Variants in FREM2 observed in about 807,000 individuals in gnomAD.
The protein encoded by FREM2 is FRAS1-related extracellular matrix protein 2.
Under a neutral mutation model 219.9 loss-of-function variants are expected in FREM2, and 119 were observed. The ratio of observed to expected loss-of-function variants is 0.54; its 90% confidence interval spans 0.47 to 0.63. The LOEUF (loss-of-function observed/expected upper bound fraction) is 0.63, where lower values mean the gene tolerates loss of function less well. Among genes scored for constraint, FREM2 ranks in the 30% least tolerant of loss-of-function variants. FREM2 has a pLI of 0.00. For missense variants in FREM2, 4,030 were observed against 3,993.6 expected (o/e 1.01, Z -0.25); for synonymous variants, 1,562 against 1,522.8 (o/e 1.03, Z -0.60).
At position 38,691,599 on chromosome 13, in the gene FREM2, A is replaced by G. The variant is rs76419381; in HGVS notation, c.4255A>G (p.Ile1419Val). 2.7e-5 allele frequency: 44 copies of G among 1,614,104 alleles called. No homozygotes were observed. In the East Asian group the frequency reaches 9.4e-4, roughly 34 times the overall value. The part of the protein sequence containing the change: ...YFYVSIGSID[I>V]VFPDVISKGV... Reference sequence around the variant, plus strand: ...TTATGTGTCCATCGGGAGCATTGACATTGTCTTCCCTGATGTGATAAGTAA... The same window carrying G: ...TTATGTGTCCATCGGGAGCATTGACGTTGTCTTCCCTGATGTGATAAGTAA... The change falls in exon 1 of 24, where the codon ATT becomes GTT. Residue 1419 changes from isoleucine to valine, a missense_variant. By Grantham distance (29) the Ile-to-Val change is conservative. Around this residue, in one of 2 missense-constraint regions of FREM2, gnomAD observed 3,102 missense variants for 2,950.7 expected, o/e 1.05. Transcript: ENST00000280481.
At chr13:38,794,972 G>A (rs553089706) in intron 6 of FREM2, among the ~76,000 whole-genome samples, 1 of 152,162 alleles carries the variant, frequency 6.6e-6, no homozygotes, top group Admixed American at 6.5e-5. Context: ...GAAAAATTGA[G>A]ACCTGGAGAA....
In FREM2 at chr13:38,687,911, C is replaced by T. The variant is rs370371340; in HGVS notation, c.567C>T (p.Val189=). 74 of 1,593,908 alleles carry T rather than the reference C, an allele frequency of 4.6e-5. No individual in the cohort carries two copies. The highest frequency in any genetic ancestry group is 6.2e-5 in the Non-Finnish European group (72 of 1,168,790). Reference sequence around the variant, plus strand: ...TTGTGACTCGGAACTTGCCTCTGGTCGTGGAAGAGCTGCTGGGGACCAGCA... The same window carrying T: ...TTGTGACTCGGAACTTGCCTCTGGTTGTGGAAGAGCTGCTGGGGACCAGCA... The part of the protein sequence containing the change: ...LEVVTRNLPL[V]VEELLGTSNA... Residue 189 remains valine, a synonymous_variant, in exon 1 of 24, where the codon GTC becomes GTT. Transcript: ENST00000280481.
At chr13:38,704,431 T>C (rs760439431) in intron 2 of FREM2, among the ~76,000 whole-genome samples, 39 of 152,178 alleles carry the variant, frequency 2.6e-4, no homozygotes, top group Non-Finnish European at 4.9e-4. Flanking sequence ...TATTTAAGTA[T>C]AGACTTAGGA....
chr13:38,857,499 T>A (rs762529096), intron 12 of FREM2, among the ~76,000 whole-genome samples: 1 of 152,082 alleles, frequency 6.6e-6, no homozygotes, highest in Non-Finnish European at 1.5e-5. Flanking sequence ...TCCTCCAGCT[T>A]TACTCCCACT....
chr13:38,816,210 G>T (rs7987558), intron 6 of FREM2, among the ~76,000 whole-genome samples: 1 of 152,048 alleles, frequency 6.6e-6, no homozygotes, highest in African/African-American at 2.4e-5. Flanking sequence ...GAAGAGGAAG[G>T]AATACTTCCA....
intron 2 of FREM2, among the ~76,000 whole-genome samples, chr13:38,727,321 A>G (rs1008075439): frequency 3.3e-5 from 5 of 152,206 alleles, no homozygotes; most frequent in Admixed American, 6.5e-5. Flanking sequence ...CGTCTCTATT[A>G]AAAATACAAA....
At chr13:38,733,193 C>G (rs1053320608) in intron 2 of FREM2, among the ~76,000 whole-genome samples, 3 of 152,044 alleles carry the variant, frequency 2.0e-5, no homozygotes, top group Non-Finnish European at 4.4e-5. Context: ...GGCAATGAAA[C>G]TATCAGTTTC....
In FREM2 at chr13:38,880,678, T is replaced by G. The variant is rs1878512582; in HGVS notation, c.9401T>G (p.Met3134Arg). The G allele has an allele frequency of 6.2e-7, 1 of 1,614,028 alleles. No individual in the cohort carries two copies. The highest frequency in any genetic ancestry group is 8.5e-7 in the Non-Finnish European group (1 of 1,180,016). Residue 3134 changes from methionine (M) to arginine (R), a missense_variant, in exon 24 of 24, where the codon ATG becomes AGG. Transcript: ENST00000280481. ...TICLTVIAVL[M>R]CRGKESFRGK... is the part of the protein sequence containing the mutation. ...TGCCTCACTGTCATTGCAGTGCTGA[T>G]GTGCAGGGGCAAGGAAAGTTTCAGG...
At chr13:38,808,931 A>G (rs1196730013) in intron 6 of FREM2, among the ~76,000 whole-genome samples, 1 of 151,856 alleles carries the variant, frequency 6.6e-6, no homozygotes. Context: ...AGCAAAACAC[A>G]ATATAAGGAG....
intron 4 of FREM2, among the ~76,000 whole-genome samples, chr13:38,777,903 G>A (rs1873939078): frequency 6.6e-6 from 1 of 152,190 alleles, no homozygotes; most frequent in African/African-American, 2.4e-5. Context: ...CTGTCAGATT[G>A]ACTGTAGGAG....
intron 11 of FREM2, 42 bp from the exon 12 acceptor site, chr13:38,856,084 T>A: frequency 7.1e-7 from 1 of 1,413,800 alleles, no homozygotes; most frequent in Non-Finnish European, 1.0e-6. Flanking sequence ...ACTTCTCATA[T>A]TCATATGCAA....
chr13:38,718,897 G>A (rs572931788), intron 2 of FREM2, among the ~76,000 whole-genome samples: 12 of 152,240 alleles, frequency 7.9e-5, no homozygotes, highest in East Asian at 3.9e-4. Flanking sequence ...GCAGTCAGTC[G>A]TTTCTAGTAT....
intron 6 of FREM2, among the ~76,000 whole-genome samples, chr13:38,838,609 G>A (rs564898859): frequency 1.3e-5 from 2 of 152,262 alleles, no homozygotes; most frequent in East Asian, 3.9e-4. Context: ...ATCAAACGTA[G>A]GTTTGGTCTT....
At chr13:38,806,402 T>C (rs964052029) in intron 6 of FREM2, among the ~76,000 whole-genome samples, 14 of 151,950 alleles carry the variant, frequency 9.2e-5, no homozygotes, top group Admixed American at 6.6e-4. Context: ...ATGTCTGTAA[T>C]ACCTCAGAGA....
intron 2 of FREM2, among the ~76,000 whole-genome samples, chr13:38,744,081 A>T (rs1026643759): frequency 6.6e-6 from 1 of 152,144 alleles, no homozygotes; most frequent in Non-Finnish European, 1.5e-5. Context: ...ATGAATAAAC[A>T]CAAAGATATT....
chr13:38,691,563 G>T lies in FREM2; in HGVS notation c.4219G>T (p.Asp1407Tyr), dbSNP rs748958101. The T allele has an allele frequency of 6.8e-6, 11 of 1,614,160 alleles. No homozygotes were observed. The South Asian group carries it at 1.2e-4, about 18-fold the overall frequency. The part of the protein sequence containing the change: ...DVTDGINPLI[D>Y]RYFYVSIGSI... ...GACTGATGGAATAAATCCCCTCATA[G>T]ATCGTTACTTTTATGTGTCCATCGG... Residue 1407 changes from aspartate (D) to tyrosine (Y), a missense_variant, in exon 1 of 24, where the codon GAT becomes TAT. This residue lies in a region of FREM2 where 3,102 missense variants were observed against 2,950.7 expected (regional missense o/e 1.05). Transcript: ENST00000280481.
At chr13:38,812,138 C>T (rs371100947) in intron 6 of FREM2, among the ~76,000 whole-genome samples, 20 of 152,088 alleles carry the variant, frequency 1.3e-4, no homozygotes, top group African/African-American at 4.1e-4. Flanking sequence ...GGTTTCCATT[C>T]GTGTGGGATA....
intron 6 of FREM2, among the ~76,000 whole-genome samples, chr13:38,807,225 A>ATATATATATATATATATATATATG (rs1208111391): frequency 8.0e-6 from 1 of 125,236 alleles, no homozygotes; most frequent in Non-Finnish European, 1.7e-5. Flanking sequence ...ATATATATAT[A>ATATATATATATATATATATATATG]TATGTATGGT....
chr13:38,834,665 C>T (rs1406225572), intron 6 of FREM2, among the ~76,000 whole-genome samples: 1 of 152,186 alleles, frequency 6.6e-6, no homozygotes, highest in African/African-American at 2.4e-5. Context: ...AAATGGTGTT[C>T]ATTGTGGTTC....
Sources: allele counts gnomAD v4.1 joint callset (sites outside exome capture counted in the v4.1 genomes callset), GRCh38; gene constraint gnomAD v4.1.1; regional missense constraint gnomAD v4.1.1; transcripts MANE v1.5; gene names NCBI Gene and HGNC (gene_info 2026-07-23, HGNC 2026-07-21).